The following TOX3 variants were observed in gnomAD, a reference collection of about 807,000 sequenced individuals.
TOX3 encodes the protein CAG trinucleotide repeat-containing gene F9 protein.
In TOX3, 22 loss-of-function variants were observed where a neutral mutation model predicts 64.3. That is an observed-to-expected ratio of 0.34 (90% CI 0.24 to 0.49). The LOEUF (loss-of-function observed/expected upper bound fraction) is 0.49. TOX3 is among the 20% of genes least tolerant of loss of function. The pLI, the probability that TOX3 is intolerant of heterozygous loss-of-function variation, is 0.99. For synonymous variants in TOX3, 291 were observed against 273.6 expected (o/e 1.06, Z -0.63); for missense variants, 661 against 714.4 (o/e 0.93, Z 0.85).
intron 1 of TOX3, among the ~76,000 whole-genome samples, chr16:52,503,610 T>C (rs1337831229): frequency 2.0e-5 from 3 of 152,180 alleles, no homozygotes; most frequent in Non-Finnish European, 2.9e-5. Flanking sequence ...TTTAATGCTT[T>C]ACAAAAAGGA....
In TOX3 at chr16:52,546,788, C is replaced by T. The variant is rs1445523943; in HGVS notation, c.-65G>A. On this transcript the variant is annotated 5_prime_UTR_variant, in exon 1 of 7. Coordinates refer to ENST00000219746, the MANE Select transcript of TOX3 (RefSeq NM_001080430.4). ...TCGCCGGGGCCGGGACCCGCCTCCT[C>T]GCCGCCGCTAGATCCACCGTCGAGG... The T allele has an allele frequency of 2.8e-6, 4 of 1,416,384 alleles. No individual in the cohort carries two copies. Among genetic ancestry groups the T allele is most frequent in the South Asian group, 1.5e-5 (1 of 68,034 alleles). The allele number at this position is 1,416,384 out of a possible 1,614,324, so 87.7% of individuals were successfully genotyped here.
At chr16:52,485,459 A>C (rs528371784) in intron 1 of TOX3, among the ~76,000 whole-genome samples, 1 of 152,008 alleles carries the variant, frequency 6.6e-6, no homozygotes, top group East Asian at 1.9e-4. Context: ...TAAAAAATGG[A>C]AATGGCAGAC....
chr16:52,493,650 T>C (rs1305541279), intron 1 of TOX3, among the ~76,000 whole-genome samples: 2 of 152,184 alleles, frequency 1.3e-5, no homozygotes, highest in African/African-American at 4.8e-5. Flanking sequence ...TTCTTATTTT[T>C]ATCCTACTCC....
rs1394122494 is a variant in TOX3 at position 52,476,677 on chromosome 16, T to C, written c.88-8103A>G. ...TTGTGAAGTGACTACATCTTTTGTGTTAATTCCAGTTTGTCTCCCTCCCTT... is the reference window on the plus strand; with the variant it reads ...TTGTGAAGTGACTACATCTTTTGTGCTAATTCCAGTTTGTCTCCCTCCCTT... On this transcript the variant is annotated intron_variant, in intron 1 of 6. Coordinates refer to ENST00000219746, the MANE Select transcript of TOX3 (RefSeq NM_001080430.4). Among the ~76,000 whole-genome samples the C allele has an allele frequency of 2.6e-5, 4 of 152,276 alleles. No individual in the cohort carries two copies. The East Asian group carries it at 7.7e-4, about 29-fold the overall frequency.
At chr16:52,543,008 A>AAAC in intron 1 of TOX3, among the ~76,000 whole-genome samples, 1 of 152,354 alleles carries the variant, frequency 6.6e-6, no homozygotes, top group South Asian at 2.1e-4. Flanking sequence ...GATAGAATAA[A>AAAC]AACAACATAG....
At chr16:52,457,230 A>G (rs559818480) in intron 3 of TOX3, among the ~76,000 whole-genome samples, 1 of 152,256 alleles carries the variant, frequency 6.6e-6, no homozygotes, top group South Asian at 2.1e-4. Context: ...TCTTTTTGCA[A>G]ATCTAAGATA....
chr16:52,503,986 A>T (rs958433415), intron 1 of TOX3, among the ~76,000 whole-genome samples: 3 of 152,228 alleles, frequency 2.0e-5, no homozygotes, highest in African/African-American at 7.2e-5. Flanking sequence ...AAGAATCATC[A>T]CTTTCATATT....
chr16:52,494,575 T>C (rs75531281), intron 1 of TOX3, among the ~76,000 whole-genome samples: 3,634 of 152,338 alleles, frequency 0.024, 144 homozygotes, highest in African/African-American at 0.084. Context: ...GCTATCTCAG[T>C]AGTTCTACAT....
chr16:52,529,774 C>A (rs545475443), intron 1 of TOX3, among the ~76,000 whole-genome samples: 1 of 152,218 alleles, frequency 6.6e-6, no homozygotes, highest in East Asian at 1.9e-4. Flanking sequence ...TAAGAAGATT[C>A]TCTGTAAATC....
chr16:52,448,498 A>G lies in TOX3; in HGVS notation c.678+1779T>C, dbSNP rs555021409. 6.6e-5 allele frequency among the ~76,000 whole-genome samples: 10 copies of G among 152,206 alleles called. No individual in the cohort carries two copies. The East Asian group carries it at 1.7e-3, about 27-fold the overall frequency. Reference sequence around the variant, plus strand: ...AAGAGTCTTTAACCATTACTTCTCAATCCTCTGGACTGAAGTTCTGTGACT... The same window carrying G: ...AAGAGTCTTTAACCATTACTTCTCAGTCCTCTGGACTGAAGTTCTGTGACT... On this transcript the variant is annotated intron_variant, in intron 4 of 6. Coordinates refer to ENST00000219746, the MANE Select transcript of TOX3 (RefSeq NM_001080430.4).
chr16:52,515,121 G>C (rs1962418804), intron 1 of TOX3, among the ~76,000 whole-genome samples: 1 of 140,108 alleles, frequency 7.1e-6, no homozygotes, highest in Non-Finnish European at 1.5e-5. Flanking sequence ...TACTCAATAT[G>C]TAATTTAATT....
intron 1 of TOX3, among the ~76,000 whole-genome samples, chr16:52,509,146 T>G (rs1025208713): frequency 6.6e-6 from 1 of 152,200 alleles, no homozygotes; most frequent in African/African-American, 2.4e-5. Flanking sequence ...AGCTCATGTT[T>G]CAAATAAAGC....
chr16:52,450,952 G>A (rs1274903947), intron 3 of TOX3, among the ~76,000 whole-genome samples: 1 of 152,192 alleles, frequency 6.6e-6, no homozygotes, highest in East Asian at 1.9e-4. Flanking sequence ...GGCTGAAGCA[G>A]AGACCGCACC....
intron 1 of TOX3, among the ~76,000 whole-genome samples, chr16:52,545,772 T>C (rs540521853): frequency 1.3e-5 from 2 of 152,028 alleles, no homozygotes; most frequent in Admixed American, 6.5e-5. Flanking sequence ...GGACACCGGA[T>C]GGTGGGGGGG....
intron 1 of TOX3, among the ~76,000 whole-genome samples, chr16:52,497,351 A>T (rs549047768): frequency 6.6e-6 from 1 of 152,238 alleles, no homozygotes; most frequent in Non-Finnish European, 1.5e-5. Flanking sequence ...TATATGCTAC[A>T]GGGCTGACTG....
At chr16:52,528,843 A>C (rs1962784240) in intron 1 of TOX3, among the ~76,000 whole-genome samples, 1 of 152,216 alleles carries the variant, frequency 6.6e-6, no homozygotes. Context: ...ACTGCTTCTC[A>C]GTTTGAGCAA....
At chr16:52,465,439 C>T (rs1341848045) in intron 2 of TOX3, among the ~76,000 whole-genome samples, 2 of 147,166 alleles carry the variant, frequency 1.4e-5, no homozygotes, top group African/African-American at 5.0e-5. Context: ...GGGGGAGTGG[C>T]AAGGTCTAGG....
At chr16:52,448,653 T>G (rs1320976690) in intron 4 of TOX3, among the ~76,000 whole-genome samples, 2 of 152,186 alleles carry the variant, frequency 1.3e-5, no homozygotes, top group African/African-American at 2.4e-5. Context: ...CCTTCTCTGT[T>G]CCTCATCACT....
intron 1 of TOX3, among the ~76,000 whole-genome samples, chr16:52,513,935 G>A (rs1033429401): frequency 5.9e-5 from 9 of 152,158 alleles, no homozygotes; most frequent in African/African-American, 2.2e-4. Flanking sequence ...AGATCAAGAT[G>A]TCTAGCATAA....
Sources: allele counts gnomAD v4.1 joint callset (sites outside exome capture counted in the v4.1 genomes callset), GRCh38; gene constraint gnomAD v4.1.1; transcripts MANE v1.5; gene names NCBI Gene and HGNC (gene_info 2026-07-23, HGNC 2026-07-21).